CIP2A: variants seen among roughly 807,000 people sequenced by gnomAD.
CIP2A encodes the protein cellular inhibitor of PP2A.
In CIP2A, 103 loss-of-function variants were observed where a neutral mutation model predicts 110.9. The observed-to-expected ratio is 0.93, with a 90% CI of 0.79 to 1.09. The LOEUF (loss-of-function observed/expected upper bound fraction) is 1.09. CIP2A is among the 50% of genes least tolerant of loss of function. The probability of loss-of-function intolerance (pLI) is 0.00; values close to 1 mark genes in which losing one functional copy is unlikely to be tolerated. For synonymous variants in CIP2A, 381 were observed against 361.6 expected (o/e 1.05, Z -0.61); for missense variants, 1,088 against 1,038.4 (o/e 1.05, Z -0.66).
chr3:108,589,388 G>C lies in CIP2A; in HGVS notation c.-13C>G, dbSNP rs553183242. The C allele has an allele frequency of 1.9e-6, 3 of 1,603,278 alleles. No homozygotes were observed. Among genetic ancestry groups the C allele is most frequent in the South Asian group, 2.2e-5 (2 of 90,032 alleles). On this transcript the variant is annotated 5_prime_UTR_variant, in exon 1 of 21. Coordinates refer to ENST00000295746, the MANE Select transcript of CIP2A (RefSeq NM_020890.3). Reference sequence around the variant, plus strand: ...CAGTGGAGTCCATTGCACCGGCCGCGGCCCGGCTTAGGGACCACCACCGCC... The same window carrying C: ...CAGTGGAGTCCATTGCACCGGCCGCCGCCCGGCTTAGGGACCACCACCGCC...
intron 19 of CIP2A, among the ~76,000 whole-genome samples, chr3:108,552,870 A>G (rs1367265058): frequency 6.6e-6 from 1 of 152,116 alleles, no homozygotes; most frequent in Non-Finnish European, 1.5e-5. Flanking sequence ...GGAACTAAAC[A>G]TTGAGTACAC....
At position 108,569,178 on chromosome 3, in the gene CIP2A, A is replaced by AG. The variant is rs1188595505; in HGVS notation, c.1113+210_1113+211insC. Among the ~76,000 whole-genome samples, 4 of 107,316 alleles carry AG rather than the reference A, an allele frequency of 3.7e-5. 2 individuals are homozygous for AG. The East Asian group carries it at 1.0e-3, about 28-fold the overall frequency. 70.4% of individuals were successfully genotyped at this position (107,316 alleles called of 152,430 possible). A position where few individuals can be genotyped will look rare whatever the true frequency, so the allele number is the denominator to read the frequency against. On this transcript the variant is annotated intron_variant, in intron 9 of 20. Transcript: ENST00000295746. ...ACACTGAAATGAGCACTATATATAT[A>AG]TATACATACACACTACTCAGTGAAA...
chr3:108,563,244 C>T lies in CIP2A; in HGVS notation c.1516G>A (p.Asp506Asn), dbSNP rs964726687. 1 of 1,586,522 alleles carries T rather than the reference C, an allele frequency of 6.3e-7. No homozygotes were observed. Among genetic ancestry groups the T allele is most frequent in the African/African-American group, 1.3e-5 (1 of 74,268 alleles). The change falls in exon 13 of 21, where the codon GAC becomes AAC. Residue 506 changes from aspartate (D) to asparagine (N), a missense_variant and splice_region_variant. Coordinates refer to ENST00000295746, the MANE Select transcript of CIP2A (RefSeq NM_020890.3). ...MEVSFYKILQ[D>N]PRLITPLAFA... ...GCCAAAGGAGTAATCAAACGTGGGT[C>T]CTAAATAAATCAGAAACCAAAAAAG...
chr3:108,557,914 A>T (rs1342883464), intron 16 of CIP2A, among the ~76,000 whole-genome samples: 2 of 152,168 alleles, frequency 1.3e-5, no homozygotes, highest in African/African-American at 4.8e-5. Flanking sequence ...ACACTAAAAA[A>T]GCAGAAAAGT....
chr3:108,589,258 C>A lies in CIP2A; in HGVS notation c.102+16G>T, dbSNP rs919894445. ...TAGGGGAAGCCCCATCTGTCCTCTA[C>A]CCCAGAGCCTCTCACCTCCAAGTGC... On this transcript the variant is annotated intron_variant, in intron 1 of 20. Coordinates refer to ENST00000295746, the MANE Select transcript of CIP2A (RefSeq NM_020890.3). 2.5e-6 allele frequency: 4 copies of A among 1,600,786 alleles called. No individual in the cohort carries two copies. In the African/African-American group the frequency reaches 5.4e-5, roughly 21 times the overall value.
chr3:108,560,464 C>T (rs7633332), intron 14 of CIP2A, among the ~76,000 whole-genome samples, 185 bp downstream of exon 14: 5,540 of 152,260 alleles, frequency 0.036, 337 homozygotes, highest in African/African-American at 0.12. Context: ...TAAGCCACCG[C>T]ACCCGGCAAA....
intron 16 of CIP2A, 75 bp from the exon 17 acceptor site, chr3:108,557,489 A>C: frequency 9.2e-7 from 1 of 1,092,698 alleles, no homozygotes; most frequent in Non-Finnish European, 1.3e-6. Context: ...ACAATTTAAA[A>C]GTTTACTAAG....
Position 108,569,663 on chromosome 3 carries a change from A to G in CIP2A, c.895-56T>C, listed in dbSNP as rs150298325. 6.9e-6 allele frequency: 9 copies of G among 1,303,568 alleles called. No individual in the cohort carries two copies. In the African/African-American group the frequency reaches 8.8e-5, roughly 13 times the overall value. 80.8% of individuals were successfully genotyped at this position (1,303,568 alleles called of 1,614,324 possible). On this transcript the variant is annotated intron_variant, in intron 8 of 20. Transcript: ENST00000295746. ...AATTTCACAGAACTTTAATATACAA[A>G]GCAAGTGTATGATGAAGCTGAAAAT...
In CIP2A at chr3:108,579,669, T is replaced by A. The variant is rs760360899; in HGVS notation, c.569A>T (p.Tyr190Phe). The change falls in exon 6 of 21, where the codon TAT becomes TTT. Residue 190 changes from tyrosine to phenylalanine, a missense_variant. By Grantham distance (22) the Tyr-to-Phe change is conservative (BLOSUM62 3). Coordinates refer to ENST00000295746, the MANE Select transcript of CIP2A (RefSeq NM_020890.3). ...GGCCAACAAGGTGATAAGAGTTCGA[T>A]AAAAAGATTTCACATTACTCTGAGG... ...IKTLSNVKSF[Y>F]RTLITLLAHS... 1.3e-5 allele frequency: 20 copies of A among 1,571,228 alleles called. No individual in the cohort carries two copies. The highest frequency in any genetic ancestry group is 1.5e-5 in the Non-Finnish European group (18 of 1,163,538).
chr3:108,561,332 A>T (rs568097457), intron 13 of CIP2A, among the ~76,000 whole-genome samples: 49 of 152,014 alleles, frequency 3.2e-4, no homozygotes, highest in African/African-American at 1.1e-3. Flanking sequence ...AAAACAAAAT[A>T]TTTTTTTCAC....
intron 4 of CIP2A, 128 bp downstream of exon 4, chr3:108,581,980 T>C (rs1938895733): frequency 2.2e-6 from 1 of 462,484 alleles, no homozygotes; most frequent in Non-Finnish European, 3.9e-6. Flanking sequence ...GCAGAACAAA[T>C]AAGAATCGGA....
At chr3:108,557,759 C>T (rs1348034582) in intron 16 of CIP2A, among the ~76,000 whole-genome samples, 2 of 152,216 alleles carry the variant, frequency 1.3e-5, no homozygotes, top group East Asian at 1.9e-4. Flanking sequence ...GTGTGCACAC[C>T]ATCAGCATTC....
rs76673075 is a variant in CIP2A at position 108,569,721 on chromosome 3, A to G, written c.895-114T>C. 6.0e-3 allele frequency: 4,729 copies of G among 786,120 alleles called. 115 individuals are homozygous for G. The highest frequency in any genetic ancestry group is 0.059 in the African/African-American group (3,362 of 56,848). 48.7% of individuals were successfully genotyped at this position (786,120 alleles called of 1,614,324 possible). A position where few individuals can be genotyped will look rare whatever the true frequency, so the allele number is the denominator to read the frequency against. On this transcript the variant is annotated intron_variant, in intron 8 of 20. Transcript: ENST00000295746. ...ATTTTAAAGAAAATATTCTAAAACA[A>G]AACTTAAGTTTTTTCTTTCAATATT...
At position 108,583,031 on chromosome 3, in the gene CIP2A, A is replaced by C; in HGVS notation, c.303T>G (p.Ser101Arg). The C allele has an allele frequency of 6.2e-7, 1 of 1,608,946 alleles. No homozygotes were observed. The highest frequency in any genetic ancestry group is 8.5e-7 in the Non-Finnish European group (1 of 1,177,580). Residue 101 changes from serine to arginine, a missense_variant, in exon 3 of 21, where the codon AGT becomes AGG. Transcript: ENST00000295746. ...DCLQNTYNLNSVLAGVVCRSS... is the reference protein window; with the variant it reads ...DCLQNTYNLNRVLAGVVCRSS... ...TCCGACAAACCACTCCCGCCAGCAC[A>C]CTATTCAGATTATATGTATTCTGAA...
At chr3:108,571,294 TG>T (rs1938396409) in intron 8 of CIP2A, among the ~76,000 whole-genome samples, 1 of 152,148 alleles carries the variant, frequency 6.6e-6, no homozygotes, top group Admixed American at 6.6e-5. Flanking sequence ...AATCTTAATA[TG>T]TGTTATAGTT....
At chr3:108,585,493 T>G (rs993502176) in intron 1 of CIP2A, among the ~76,000 whole-genome samples, 3 of 152,192 alleles carry the variant, frequency 2.0e-5, no homozygotes, top group Non-Finnish European at 4.4e-5. Context: ...CGGCCTATTA[T>G]GCTATCCTAT....
chr3:108,583,779 T>C (rs924248875), intron 2 of CIP2A, among the ~76,000 whole-genome samples: 1 of 152,212 alleles, frequency 6.6e-6, no homozygotes, highest in Non-Finnish European at 1.5e-5. Context: ...TCTAAATACA[T>C]AGAAATGATA....
At chr3:108,551,356 G>A in intron 20 of CIP2A, 37 bp from the exon 21 acceptor site, 1 of 1,495,498 alleles carries the variant, frequency 6.7e-7, no homozygotes, top group African/African-American at 1.4e-5. Flanking sequence ...GAAGAATTGA[G>A]AAGAAAAATA....
rs1031408838 is a variant in CIP2A at position 108,579,552 on chromosome 3, A to G, written c.672+14T>C. ...ACTATAAACTTCAGAATAAATTTGA[A>G]AAATTGTATTTACCTTTTCCCCCAC... is the stretch of plus-strand genomic sequence containing the variant. On this transcript the variant is annotated intron_variant, in intron 6 of 20. Coordinates refer to ENST00000295746, the MANE Select transcript of CIP2A (RefSeq NM_020890.3). The G allele has an allele frequency of 3.2e-6, 5 of 1,577,654 alleles. No individual in the cohort carries two copies. Among genetic ancestry groups the G allele is most frequent in the Non-Finnish European group, 4.3e-6 (5 of 1,162,310 alleles).
Sources: gnomAD v4.1 joint callset for allele counts (sites outside exome capture counted in the v4.1 genomes callset) on GRCh38, gnomAD v4.1.1 for gene constraint, MANE v1.5 for transcripts, NCBI Gene and HGNC (gene_info 2026-07-23, HGNC 2026-07-21) for gene names.